The following LRP1B variants were observed in gnomAD, a reference collection of about 807,000 sequenced individuals.
LRP1B encodes the protein low-density lipoprotein receptor-related protein 1B.
LRP1B carries 217 observed loss-of-function variants against 556.6 expected under a neutral mutation model. The ratio of observed to expected loss-of-function variants is 0.39; its 90% CI spans 0.35 to 0.44. The LOEUF is 0.44. Among genes scored for constraint, LRP1B ranks in the 20% least tolerant of loss-of-function variants. LRP1B has a pLI of 1.00. For missense variants in LRP1B, 5,053 were observed against 5,620.8 expected (o/e 0.90, Z 3.23); for synonymous variants, 2,047 against 1,865.8 (o/e 1.10, Z -2.50).
rs574933084 is a variant in LRP1B at position 141,729,327 on chromosome 2, G to A, written c.205+80952C>T. 1.9e-4 allele frequency among the ~76,000 whole-genome samples: 29 copies of A among 151,774 alleles called. No individual in the cohort carries two copies. The East Asian group carries it at 1.9e-3, about 10-fold the overall frequency. The stretch of plus-strand genomic sequence containing the variant: ...TATTCTTTTTTTTTAGTCTTTGGAC[G>A]TTATTTTGAATTCAAAAATGTTTTA... On this transcript the variant is annotated intron_variant, in intron 2 of 90. Transcript: ENST00000389484.
chr2:141,021,217 A>C (rs1698055523), intron 11 of LRP1B, among the ~76,000 whole-genome samples: 1 of 152,062 alleles, frequency 6.6e-6, no homozygotes, highest in African/African-American at 2.4e-5. Context: ...GTATGCAGAC[A>C]CAATGGATAT....
chr2:142,098,687 A>T (rs1706465348), intron 1 of LRP1B, among the ~76,000 whole-genome samples: 1 of 151,798 alleles, frequency 6.6e-6, no homozygotes. Context: ...TTACATTATT[A>T]TCATTCAGAA....
rs111777093 is a variant in LRP1B, at chr2:141,331,790, T to G, written c.344-77149A>C. On this transcript the variant is annotated intron_variant, in intron 3 of 90. Coordinates refer to ENST00000389484, the MANE Select transcript of LRP1B (RefSeq NM_018557.3). Reference sequence around the variant, plus strand: ...AGAATATAAATAAATCTGAGCAAATTGTCTGTTAAGATTGAGATATGAAGA... The same window carrying G: ...AGAATATAAATAAATCTGAGCAAATGGTCTGTTAAGATTGAGATATGAAGA... 2.0e-5 allele frequency among the ~76,000 whole-genome samples: 3 copies of G among 152,170 alleles called. No individual in the cohort carries two copies. In the East Asian group the frequency reaches 5.8e-4, roughly 29 times the overall value.
intron 86 of LRP1B, among the ~76,000 whole-genome samples, chr2:140,267,311 A>AAT (rs1682250466): frequency 6.6e-6 from 1 of 151,970 alleles, no homozygotes; most frequent in East Asian, 1.9e-4. Context: ...CTGGGTGAGG[A>AAT]ATGCAGTATA....
Position 141,216,810 on chromosome 2 carries a change from T to A in LRP1B, c.850+12373A>T, listed in dbSNP as rs535686089. 4.0e-4 allele frequency among the ~76,000 whole-genome samples: 61 copies of A among 152,308 alleles called. 1 individual carries two copies. The highest frequency in any genetic ancestry group is 1.4e-3 in the African/African-American group (58 of 41,560). On this transcript the variant is annotated intron_variant, in intron 6 of 90. Transcript: ENST00000389484. ...GTAGCCCTTTCTTTTGGTCAGTTTC[T>A]GTTTTACAGAATGGGAATGTTTACT...
intron 1 of LRP1B, among the ~76,000 whole-genome samples, chr2:142,121,712 G>C (rs1707461890): frequency 6.6e-6 from 1 of 151,958 alleles, no homozygotes; most frequent in Non-Finnish European, 1.5e-5. Context: ...TTTGTTTGCT[G>C]TTTCTGTCTC....
chr2:140,902,416 TG>T (rs1694130751), intron 23 of LRP1B, among the ~76,000 whole-genome samples: 1 of 152,070 alleles, frequency 6.6e-6, no homozygotes, highest in Admixed American at 6.6e-5. Context: ...AAAGAATGAA[TG>T]TAAGTTACAC....
chr2:141,557,077 A>G (rs1161778429), intron 2 of LRP1B, among the ~76,000 whole-genome samples: 1 of 151,854 alleles, frequency 6.6e-6, no homozygotes, highest in Non-Finnish European at 1.5e-5. Context: ...AATTTAAATA[A>G]TAGTAAATAC....
chr2:140,770,837 G>A (rs1301243676), intron 34 of LRP1B, 44 bp downstream of exon 34: 1 of 1,491,416 alleles, frequency 6.7e-7, no homozygotes, highest in Non-Finnish European at 8.9e-7. Context: ...GTAATGATTA[G>A]TGAAGTAAAT....
At chr2:141,047,962 T>A (rs1261206602) in intron 11 of LRP1B, among the ~76,000 whole-genome samples, 2 of 152,112 alleles carry the variant, frequency 1.3e-5, no homozygotes, top group Non-Finnish European at 2.9e-5. Flanking sequence ...TACATAGGCA[T>A]TCTCTATTAA....
intron 1 of LRP1B, among the ~76,000 whole-genome samples, chr2:141,876,513 G>T (rs188381759): frequency 5.3e-5 from 8 of 152,030 alleles, no homozygotes; most frequent in Admixed American, 3.9e-4. Flanking sequence ...CAGGAGAAAA[G>T]ATATATTATA....
At chr2:142,055,066 C>T (rs976210497) in intron 1 of LRP1B, among the ~76,000 whole-genome samples, 1 of 152,054 alleles carries the variant, frequency 6.6e-6, no homozygotes, top group African/African-American at 2.4e-5. Flanking sequence ...ATGCTGCTTG[C>T]GTATGTCGGT....
At chr2:141,114,476 C>A (rs1700830819) in intron 7 of LRP1B, among the ~76,000 whole-genome samples, 1 of 152,068 alleles carries the variant, frequency 6.6e-6, no homozygotes, top group African/African-American at 2.4e-5. Flanking sequence ...AGACGATCTT[C>A]CCCTGGAATT....
intron 1 of LRP1B, among the ~76,000 whole-genome samples, chr2:141,920,422 T>C (rs544854415): frequency 1.3e-5 from 2 of 152,052 alleles, no homozygotes; most frequent in African/African-American, 2.4e-5. Flanking sequence ...TCCCAAACTT[T>C]GCAGTGGCAA....
At chr2:140,281,131 GTTTCT>G (rs1363344785) in intron 84 of LRP1B, among the ~76,000 whole-genome samples, 1 of 151,680 alleles carries the variant, frequency 6.6e-6, no homozygotes, top group African/African-American at 2.4e-5. Flanking sequence ...CTCTTTTAAT[GTTTCT>G]TTTCATGTAA....
At chr2:140,778,032 C>A (rs1056425029) in intron 32 of LRP1B, among the ~76,000 whole-genome samples, 1 of 151,446 alleles carries the variant, frequency 6.6e-6, no homozygotes, top group African/African-American at 2.4e-5. Context: ...GAAAAAAATG[C>A]CAGTTTTACT....
intron 2 of LRP1B, among the ~76,000 whole-genome samples, chr2:141,492,091 A>AAAAAAACC (rs67960557): frequency 2.0e-5 from 2 of 100,194 alleles, no homozygotes; most frequent in Non-Finnish European, 3.7e-5. Context: ...AAAAAAAAAA[A>AAAAAAACC]CACTAAGAAA....
intron 41 of LRP1B, among the ~76,000 whole-genome samples, chr2:140,617,298 T>C (rs1683291029): frequency 6.6e-6 from 1 of 151,972 alleles, no homozygotes; most frequent in South Asian, 2.1e-4. Flanking sequence ...ATCACACAGA[T>C]AACTGTAACT....
At chr2:140,483,227 G>A (rs1688313498) in intron 59 of LRP1B, among the ~76,000 whole-genome samples, 1 of 152,004 alleles carries the variant, frequency 6.6e-6, no homozygotes, top group Admixed American at 6.6e-5. Context: ...AATCAATGGA[G>A]TCTTTTATAA....
Sources: allele counts gnomAD v4.1 joint callset (sites outside exome capture counted in the v4.1 genomes callset), GRCh38; gene constraint gnomAD v4.1.1; transcripts MANE v1.5; gene names NCBI Gene and HGNC (gene_info 2026-07-23, HGNC 2026-07-21).